GPR161: variants seen among roughly 807,000 people sequenced by gnomAD.
GPR161 encodes the protein G-protein coupled receptor RE2.
GPR161 carries 25 observed loss-of-function variants against 39.2 expected under a neutral mutation model. That is an observed-to-expected ratio of 0.64 (90% CI 0.47 to 0.89). The LOEUF is 0.89. GPR161 is among the 40% of genes least tolerant of loss of function. The pLI is 0.00. For missense variants in GPR161, 547 were observed against 677.8 expected (o/e 0.81, Z 2.14); for synonymous variants, 286 against 276.6 (o/e 1.03, Z -0.34).
intron 3 of GPR161, 37 bp from the exon 4 acceptor site, chr1:168,090,705 C>G (rs1396386459): frequency 7.9e-7 from 1 of 1,263,888 alleles, no homozygotes; most frequent in Non-Finnish European, 1.1e-6. Context: ...CACAATCACA[C>G]TCTGCAAGGA....
rs141743774 is a variant in GPR161, at chr1:168,096,821, C to A, written c.786G>T (p.Ser262=). 1.1e-5 allele frequency: 18 copies of A among 1,613,896 alleles called. No individual in the cohort carries two copies. Among genetic ancestry groups the A allele is most frequent in the Middle Eastern group, 1.6e-4 (1 of 6,084 alleles). The change falls in exon 3 of 6, where the codon TCG becomes TCT. Residue 262 remains serine, a synonymous_variant. Coordinates refer to ENST00000682931, the MANE Select transcript of GPR161 (RefSeq NM_001375883.1). ...TGATGAGGGCTTTGCACTGGTTGGCCGAGTAGACCACACCCTGAAAGGCAT... is the reference window on the plus strand; with the variant it reads ...TGATGAGGGCTTTGCACTGGTTGGCAGAGTAGACCACACCCTGAAAGGCAT... The part of the protein sequence containing the change: ...RRNAFQGVVY[S]ANQCKALITI...
chr1:168,136,606 A>G, intron 1 of GPR161, 133 bp downstream of exon 1: 1 of 1,231,038 alleles, frequency 8.1e-7, no homozygotes, highest in Non-Finnish European at 1.0e-6. Flanking sequence ...GGAGAAAGGG[A>G]GCGCCGTGGG....
At chr1:168,114,925 C>T (rs945601603) in intron 1 of GPR161, among the ~76,000 whole-genome samples, 1 of 152,076 alleles carries the variant, frequency 6.6e-6, no homozygotes, top group African/African-American at 2.4e-5. Flanking sequence ...CTCTTGATCT[C>T]GGGTGGGCTA....
chr1:168,126,481 T>A (rs1276593800), intron 1 of GPR161, among the ~76,000 whole-genome samples: 1 of 152,176 alleles, frequency 6.6e-6, no homozygotes, highest in Non-Finnish European at 1.5e-5. Flanking sequence ...TGAGACAGCG[T>A]CTCACTCTGT....
Position 168,085,140 on chromosome 1 carries a change from G to A in GPR161, c.*391C>T, listed in dbSNP as rs1694357294. 2.2e-6 allele frequency: 1 copy of A among 459,864 alleles called. No homozygotes were observed. The highest frequency in any genetic ancestry group is 1.6e-5 in the South Asian group (1 of 63,258). The allele number at this position is 459,864 out of a possible 1,614,324, so 28.5% of individuals were successfully genotyped here. A position where few individuals can be genotyped will look rare whatever the true frequency, so the allele number is the denominator to read the frequency against. ...AGGCATCTGGCACAGTGCACGGCTG[G>A]ACTCCCAGCACACTGTGAAGAGGAG... On this transcript the variant is annotated 3_prime_UTR_variant, in exon 6 of 6. Transcript: ENST00000682931.
chr1:168,130,422 G>A (rs192594803), intron 1 of GPR161, among the ~76,000 whole-genome samples: 1 of 152,104 alleles, frequency 6.6e-6, no homozygotes, highest in African/African-American at 2.4e-5. Flanking sequence ...AGAGCTGCTG[G>A]GGATCACCAC....
At chr1:168,127,796 T>A (rs1268053041) in intron 1 of GPR161, among the ~76,000 whole-genome samples, 4 of 152,172 alleles carry the variant, frequency 2.6e-5, no homozygotes, top group Non-Finnish European at 4.4e-5. Flanking sequence ...ACATGGGAAT[T>A]GTGGGAGTTA....
At chr1:168,118,973 T>C (rs1267787918) in intron 1 of GPR161, among the ~76,000 whole-genome samples, 3 of 151,708 alleles carry the variant, frequency 2.0e-5, no homozygotes, top group African/African-American at 7.3e-5. Flanking sequence ...CTGCAACCCT[T>C]TTACGCTGTT....
chr1:168,089,720 G>A (rs931886592), intron 4 of GPR161, among the ~76,000 whole-genome samples: 3 of 152,230 alleles, frequency 2.0e-5, no homozygotes, highest in African/African-American at 7.2e-5. Flanking sequence ...TCAGCAATGT[G>A]GAGCCATGAG....
chr1:168,118,255 T>C (rs1697800714), intron 1 of GPR161, among the ~76,000 whole-genome samples: 1 of 152,098 alleles, frequency 6.6e-6, no homozygotes, highest in Non-Finnish European at 1.5e-5. Context: ...AAAGGATAAA[T>C]ATCCAGAACA....
chr1:168,137,058 C>T (rs1394167808), upstream of GPR161: 2 of 955,992 alleles, frequency 2.1e-6, no homozygotes, highest in African/African-American at 1.8e-5. Context: ...GGCGCCCCTC[C>T]CCACCCGCGC....
intron 2 of GPR161, among the ~76,000 whole-genome samples, chr1:168,097,958 G>A (rs557139441): frequency 6.6e-6 from 1 of 152,326 alleles, no homozygotes; most frequent in South Asian, 2.1e-4. Flanking sequence ...CAGCAATTCT[G>A]TGTAAGCCTT....
chr1:168,137,148 C>T, upstream of GPR161: 7 of 1,260,270 alleles, frequency 5.6e-6, no homozygotes, highest in South Asian at 2.5e-5. Context: ...GGCTGCTGCT[C>T]TTTGTCTCGC....
At chr1:168,136,114 AC>A (rs1699338213) in intron 1 of GPR161, 1 of 1,259,992 alleles carries the variant, frequency 7.9e-7, no homozygotes, top group Non-Finnish European at 1.0e-6. Flanking sequence ...CTTTCCAAGA[AC>A]CAGCCGAATC....
upstream of GPR161, chr1:168,137,275 C>T: frequency 6.7e-7 from 1 of 1,503,272 alleles, no homozygotes; most frequent in Non-Finnish European, 8.9e-7. Flanking sequence ...TCGCCTTTTC[C>T]ATGTCTCTCT....
In GPR161 at chr1:168,079,942, C is replaced by T. The variant is rs772195623; in HGVS notation, c.*5589G>A. ...GAAAAACAAAAGTGGCATTTGATTC[C>T]TAAGCTATTACTACTACCCAGGAAA... On this transcript the variant is annotated 3_prime_UTR_variant, in exon 6 of 6. Transcript: ENST00000682931. 6.6e-6 allele frequency: 1 copy of T among 152,160 alleles called. No individual in the cohort carries two copies. The highest frequency in any genetic ancestry group is 2.4e-5 in the African/African-American group (1 of 41,420). 9.4% of individuals were successfully genotyped at this position (152,160 alleles called of 1,614,324 possible). A position where few individuals can be genotyped will look rare whatever the true frequency, so the allele number is the denominator to read the frequency against.
At chr1:168,088,492 T>C (rs933713338) in intron 4 of GPR161, 4 of 152,182 alleles carry the variant, frequency 2.6e-5, no homozygotes, top group African/African-American at 9.7e-5. Context: ...TTACCCGACA[T>C]AGAGAAGAAA....
In GPR161 at chr1:168,090,577, G is replaced by A. The variant is rs776947627; in HGVS notation, c.1191C>T (p.Cys397=). 4 of 1,598,230 alleles carry A rather than the reference G, an allele frequency of 2.5e-6. No individual in the cohort carries two copies. The highest frequency in any genetic ancestry group is 3.4e-6 in the Non-Finnish European group (4 of 1,165,650). Residue 397 remains cysteine, a synonymous_variant, in exon 4 of 6, where the codon TGC becomes TGT. Coordinates refer to ENST00000682931, the MANE Select transcript of GPR161 (RefSeq NM_001375883.1). The stretch of plus-strand genomic sequence containing the variant: ...CACGCAGGTTACCTGAGTCCTGGGA[G>A]CAGCTGAAGCCAGTGTCCCCCGTGC... ...SSSTGDTGFS[C]SQDSGTDMML...
At chr1:168,134,198 A>C (rs1049977581) in intron 1 of GPR161, among the ~76,000 whole-genome samples, 4 of 152,192 alleles carry the variant, frequency 2.6e-5, no homozygotes, top group African/African-American at 4.8e-5. Context: ...TAAAACAAAC[A>C]CAAACTAAAA....
Sources: gnomAD v4.1 joint callset for allele counts (sites outside exome capture counted in the v4.1 genomes callset) on GRCh38, gnomAD v4.1.1 for gene constraint, MANE v1.5 for transcripts, NCBI Gene and HGNC (gene_info 2026-07-23, HGNC 2026-07-21) for gene names.